MCTP2: variants seen among roughly 807,000 people sequenced by gnomAD.
MCTP2 encodes multiple C2 and transmembrane domain-containing protein 2.
Under a neutral mutation model 111.6 loss-of-function variants are expected in MCTP2, and 132 were observed. The ratio of observed to expected loss-of-function variants is 1.18; its 90% CI spans 1.03 to 1.37. The LOEUF (loss-of-function observed/expected upper bound fraction) is 1.37, where lower values mean the gene tolerates loss of function less well. MCTP2 is among the 40% of genes most tolerant of loss of function. MCTP2 has a pLI of 0.00. For missense variants in MCTP2, 1,183 were observed against 1,067.9 expected, an observed-to-expected ratio of 1.11 and a Z score of -1.50; for synonymous variants, 395 against 387.7, an observed-to-expected ratio of 1.02 and a Z score of -0.22.
At chr15:94,276,124 G>A (rs561247858) in intron 1 of MCTP2, among the ~76,000 whole-genome samples, 11 of 152,116 alleles carry the variant, frequency 7.2e-5, no homozygotes, top group East Asian at 1.9e-4. Flanking sequence ...GATTACAGGT[G>A]TGAGCCACCG....
intron 8 of MCTP2, 26 bp downstream of exon 8, chr15:94,345,190 A>G (rs767310630): frequency 1.2e-6 from 2 of 1,603,750 alleles, no homozygotes; most frequent in East Asian, 2.2e-5. Context: ...TTTCCTTTAG[A>G]TCATTTGGTT....
At chr15:94,416,783 T>C (rs535641169) in intron 17 of MCTP2, among the ~76,000 whole-genome samples, 1 of 152,282 alleles carries the variant, frequency 6.6e-6, no homozygotes, top group East Asian at 1.9e-4. Flanking sequence ...ATAGAGCCTT[T>C]GAAGAAATTA....
chr15:94,262,661 C>CTT (rs11370437), intron 1 of MCTP2, among the ~76,000 whole-genome samples: 53 of 146,768 alleles, frequency 3.6e-4, no homozygotes, highest in East Asian at 1.2e-3. Context: ...CTATTTCTTT[C>CTT]TTTTTTTTTT....
chr15:94,427,775 C>G (rs887226699), intron 17 of MCTP2, among the ~76,000 whole-genome samples: 2 of 152,126 alleles, frequency 1.3e-5, no homozygotes, highest in African/African-American at 4.8e-5. Flanking sequence ...GATCCTGTCT[C>G]CTCAGGTCCT....
chr15:94,322,065 G>A (rs2076654379), intron 4 of MCTP2, among the ~76,000 whole-genome samples: 1 of 152,168 alleles, frequency 6.6e-6, no homozygotes, highest in Admixed American at 6.5e-5. Context: ...CAAAAATTCT[G>A]TATAAGTGAA....
At chr15:94,376,418 G>A (rs1238294330) in intron 12 of MCTP2, among the ~76,000 whole-genome samples, 1 of 152,138 alleles carries the variant, frequency 6.6e-6, no homozygotes, top group Non-Finnish European at 1.5e-5. Context: ...TAATGACATG[G>A]GAGATATACA....
At chr15:94,271,970 C>T (rs2073928232) in intron 1 of MCTP2, among the ~76,000 whole-genome samples, 1 of 152,262 alleles carries the variant, frequency 6.6e-6, no homozygotes, top group South Asian at 2.1e-4. Flanking sequence ...TCCTACTATC[C>T]TTATTCCGGT....
intron 21 of MCTP2, among the ~76,000 whole-genome samples, chr15:94,473,672 T>G (rs1422719952): frequency 6.6e-6 from 1 of 152,144 alleles, no homozygotes; most frequent in Non-Finnish European, 1.5e-5. Context: ...TAAGCTAAAT[T>G]TTTAGCTTTT....
chr15:94,328,297 T>G (rs1382291523), intron 4 of MCTP2, among the ~76,000 whole-genome samples: 5 of 151,266 alleles, frequency 3.3e-5, no homozygotes, highest in Non-Finnish European at 2.9e-5. Flanking sequence ...CCCGGCTAAT[T>G]TTTTGTATTT....
chr15:94,445,918 G>T (rs1023392279), intron 19 of MCTP2, among the ~76,000 whole-genome samples: 1 of 152,290 alleles, frequency 6.6e-6, no homozygotes, highest in East Asian at 1.9e-4. Flanking sequence ...CATCACGGAC[G>T]ACTGTGGAAG....
chr15:94,291,363 G>C (rs938931871), intron 1 of MCTP2, among the ~76,000 whole-genome samples: 1 of 152,214 alleles, frequency 6.6e-6, no homozygotes, highest in African/African-American at 2.4e-5. Flanking sequence ...AGTGCTTTGG[G>C]AGGCCGAGGT....
At chr15:94,296,483 G>A (rs2152332060) in intron 1 of MCTP2, among the ~76,000 whole-genome samples, 1 of 152,260 alleles carries the variant, frequency 6.6e-6, no homozygotes. Context: ...AGTCCATTCA[G>A]TCCTCACCGC....
chr15:94,245,211 C>T (rs563310564), intron 1 of MCTP2, among the ~76,000 whole-genome samples: 16 of 137,354 alleles, frequency 1.2e-4, no homozygotes, highest in African/African-American at 4.2e-4. Context: ...TATATTTATA[C>T]ATATGTGTAT....
In MCTP2 at chr15:94,384,115, T is replaced by A. The variant is rs2080314711; in HGVS notation, c.1676T>A (p.Val559Asp). Residue 559 changes from valine to aspartate, a missense_variant, in exon 13 of 23, where the codon GTT becomes GAT. By Grantham distance (152) the Val-to-Asp change is radical. Coordinates refer to ENST00000357742, the MANE Select transcript of MCTP2 (RefSeq NM_001385001.1). ...AACCTCAACCCTGAATGGAACAAAG[T>A]TTTTACATTGTAAGTGCTTTAGCCT... ...YKNLNPEWNK[V>D]FTFPIKDIHD... 1 of 1,611,518 alleles carries A rather than the reference T, an allele frequency of 6.2e-7. No individual in the cohort carries two copies.
rs1324159076 is a variant in MCTP2 at position 94,470,393 on chromosome 15, C to G, written c.2421C>G (p.Ala807=). Residue 807 remains alanine (A), a synonymous_variant, in exon 21 of 23, where the codon GCC becomes GCG. Transcript: ENST00000357742. ...TGGCCTGTTTGATTCTGGCAGCAGC[C>G]ACCATCATTTTGTATTTCATTCCAC... is the stretch of plus-strand genomic sequence containing the variant. ...SSLACLILAA[A]TIILYFIPLR... The G allele has an allele frequency of 1.5e-5, 25 of 1,613,846 alleles. No homozygotes were observed. Among genetic ancestry groups the G allele is most frequent in the East Asian group, 2.2e-5 (1 of 44,890 alleles).
intron 2 of MCTP2, among the ~76,000 whole-genome samples, chr15:94,307,274 G>C (rs549517764): frequency 3.3e-5 from 5 of 152,298 alleles, no homozygotes; most frequent in South Asian, 2.1e-4. Flanking sequence ...TAGGTGCTGG[G>C]GGGGAGGTGT....
intron 17 of MCTP2, among the ~76,000 whole-genome samples, chr15:94,429,470 T>C (rs774917748): frequency 2.6e-5 from 4 of 152,204 alleles, no homozygotes; most frequent in Non-Finnish European, 4.4e-5. Context: ...TAAACTCTCA[T>C]TTCAAGTCAC....
At chr15:94,439,325 GT>G (rs987351439) in intron 17 of MCTP2, among the ~76,000 whole-genome samples, 3 of 150,240 alleles carry the variant, frequency 2.0e-5, no homozygotes, top group Admixed American at 1.3e-4. Flanking sequence ...TATAGCAGTG[GT>G]TTTTTTCAAG....
At position 94,481,942 on chromosome 15, in the gene MCTP2, G is replaced by A. The variant is rs946795973; in HGVS notation, c.*2908G>A. On this transcript the variant is annotated 3_prime_UTR_variant, in exon 23 of 23. Transcript: ENST00000357742. ...ATTTCTTGCATTAAGAGCTTATTTT[G>A]TGTGATATTATTTATAATCCCTGAC... 6.6e-6 allele frequency: 1 copy of A among 152,090 alleles called. No individual in the cohort carries two copies. Among genetic ancestry groups the A allele is most frequent in the Non-Finnish European group, 1.5e-5 (1 of 67,998 alleles). 9.4% of individuals were successfully genotyped at this position (152,090 alleles called of 1,614,324 possible).
Sources: allele counts gnomAD v4.1 joint callset (sites outside exome capture counted in the v4.1 genomes callset), GRCh38; gene constraint gnomAD v4.1.1; transcripts MANE v1.5; gene names NCBI Gene and HGNC (gene_info 2026-07-23, HGNC 2026-07-21).